GRIK1: variants seen among roughly 807,000 people sequenced by gnomAD.
The protein encoded by GRIK1 is glutamate receptor ionotropic, kainate 1.
GRIK1 carries 69 observed loss-of-function variants against 105.7 expected under a neutral mutation model. That is an observed-to-expected ratio of 0.65 (90% CI 0.54 to 0.80). The LOEUF (loss-of-function observed/expected upper bound fraction) is 0.80. Ranked by LOEUF, GRIK1 falls within the 30% of genes least tolerant of loss-of-function variation. The pLI is 0.00. For synonymous variants in GRIK1, 438 were observed against 431.3 expected, an observed-to-expected ratio of 1.02 and a Z score of -0.19; for missense variants, 1,109 against 1,167.3, an observed-to-expected ratio of 0.95 and a Z score of 0.73.
At chr21:29,617,994 A>C (rs777564375) in intron 7 of GRIK1, among the ~76,000 whole-genome samples, 2 of 152,166 alleles carry the variant, frequency 1.3e-5, no homozygotes, top group African/African-American at 2.4e-5. Flanking sequence ...TTAATCTCTC[A>C]GTTCCAGTTT....
chr21:29,842,607 C>T (rs555099380), intron 1 of GRIK1, among the ~76,000 whole-genome samples: 17 of 152,268 alleles, frequency 1.1e-4, no homozygotes, highest in African/African-American at 3.1e-4. Context: ...TCATGTAGGA[C>T]GGTCAATTCC....
chr21:29,631,038 A>G (rs1284053463), intron 7 of GRIK1, among the ~76,000 whole-genome samples: 3 of 151,910 alleles, frequency 2.0e-5, no homozygotes, highest in Admixed American at 1.3e-4. Context: ...GAACTCCTGA[A>G]CTCAAGTGAT....
At chr21:29,550,658 G>A (rs1185422025) in intron 16 of GRIK1, among the ~76,000 whole-genome samples, 3 of 152,112 alleles carry the variant, frequency 2.0e-5, no homozygotes, top group Non-Finnish European at 4.4e-5. Flanking sequence ...GCTTGTACAA[G>A]AAAAACTGCT....
chr21:29,618,682 A>G (rs1459015623), intron 7 of GRIK1, among the ~76,000 whole-genome samples: 2 of 152,256 alleles, frequency 1.3e-5, no homozygotes, highest in Non-Finnish European at 2.9e-5. Context: ...CTACTCAGCC[A>G]TAAAAAGGAA....
At chr21:29,539,038 A>G (rs2089928250) in intron 16 of GRIK1, among the ~76,000 whole-genome samples, 1 of 151,970 alleles carries the variant, frequency 6.6e-6, no homozygotes, top group African/African-American at 2.4e-5. Context: ...TTTGAATTTC[A>G]CTTCCATTTT....
In GRIK1 at chr21:29,787,789, A is replaced by G. The variant is rs74698212; in HGVS notation, c.119-93726T>C. Among the ~76,000 whole-genome samples, 603 of 152,286 alleles carry G rather than the reference A, an allele frequency of 4.0e-3. 8 individuals are homozygous for G. The highest frequency in any genetic ancestry group is 0.013 in the African/African-American group (561 of 41,576). ...TTTTGGTAGAACGCCAGGAACATTT[A>G]TCAATCTTGCTAGTGACTTCATTTA... On this transcript the variant is annotated intron_variant, in intron 1 of 17. Transcript: ENST00000327783.
chr21:29,698,971 T>C (rs1435064054), intron 1 of GRIK1, among the ~76,000 whole-genome samples: 2 of 152,176 alleles, frequency 1.3e-5, no homozygotes, highest in Non-Finnish European at 2.9e-5. Context: ...GTATTTAGGA[T>C]TTACCTATGA....
In GRIK1 at chr21:29,588,910, G is replaced by A; in HGVS notation, c.1498C>T (p.Pro500Ser). 6.2e-7 allele frequency: 1 copy of A among 1,610,248 alleles called. No individual in the cohort carries two copies. The highest frequency in any genetic ancestry group is 8.5e-7 in the Non-Finnish European group (1 of 1,176,514). Residue 500 changes from proline to serine, a missense_variant, in exon 11 of 18, where the codon CCC becomes TCC. Transcript: ENST00000327783. ...TTCTGGGCCCCATATTTGCCATCGG[G>A]AACTAGTTTAACATCATAAATGAAA... ...LGFIYDVKLV[P>S]DGKYGAQNDK...
chr21:29,798,345 T>A (rs2066612253), intron 1 of GRIK1, among the ~76,000 whole-genome samples: 1 of 152,192 alleles, frequency 6.6e-6, no homozygotes, highest in Non-Finnish European at 1.5e-5. Flanking sequence ...TGGATAAAAT[T>A]TAACTCTACT....
chr21:29,679,992 A>G (rs977144170), intron 3 of GRIK1, among the ~76,000 whole-genome samples: 4 of 152,334 alleles, frequency 2.6e-5, no homozygotes, highest in South Asian at 2.1e-4. Flanking sequence ...GGAGTTTGCC[A>G]TAGGAGGGAA....
At chr21:29,850,552 C>T (rs990640400) in intron 1 of GRIK1, among the ~76,000 whole-genome samples, 3 of 152,024 alleles carry the variant, frequency 2.0e-5, no homozygotes, top group African/African-American at 7.3e-5. Flanking sequence ...AAAACGAATC[C>T]CAGGAATGGA....
At chr21:29,706,648 C>A (rs1249939174) in intron 1 of GRIK1, among the ~76,000 whole-genome samples, 1 of 152,176 alleles carries the variant, frequency 6.6e-6, no homozygotes, top group Non-Finnish European at 1.5e-5. Context: ...ATAAGCTTGA[C>A]TAATACAGAT....
intron 7 of GRIK1, among the ~76,000 whole-genome samples, chr21:29,626,212 G>A (rs114350218): frequency 2.2e-3 from 331 of 152,228 alleles, no homozygotes; most frequent in African/African-American, 7.5e-3. Context: ...AACGTGGAAG[G>A]GCAAAAGAGC....
At chr21:29,570,317 A>T (rs544321265) in intron 14 of GRIK1, among the ~76,000 whole-genome samples, 1 of 152,140 alleles carries the variant, frequency 6.6e-6, no homozygotes, top group Admixed American at 6.5e-5. Flanking sequence ...CCTGTTCAAC[A>T]TGGTGAAACC....
chr21:29,926,624 A>G (rs1388040380), intron 1 of GRIK1, among the ~76,000 whole-genome samples: 1 of 151,778 alleles, frequency 6.6e-6, no homozygotes, highest in Non-Finnish European at 1.5e-5. Flanking sequence ...TTATTTATGT[A>G]TCTTATATAG....
chr21:29,832,792 T>G (rs564332645), intron 1 of GRIK1, among the ~76,000 whole-genome samples: 1 of 152,304 alleles, frequency 6.6e-6, no homozygotes, highest in Admixed American at 6.5e-5. Flanking sequence ...CCATTAACTT[T>G]GACTTCTTTT....
Position 29,654,855 on chromosome 21 carries a change from G to A in GRIK1, c.735C>T (p.Phe245=), listed in dbSNP as rs1326742025. The A allele has an allele frequency of 2.5e-6, 4 of 1,575,610 alleles. No individual in the cohort carries two copies. The highest frequency in any genetic ancestry group is 1.3e-5 in the African/African-American group (1 of 74,298). The stretch of plus-strand genomic sequence containing the variant: ...GATAGTACTCGGTCATCATGCCCAT[G>A]AACAGAATCTGCAAAAGAGAAATAA... ...TAAEILKQIL[F]MGMMTEYYHY... is the part of the protein sequence containing the mutation. Residue 245 remains phenylalanine, a synonymous_variant, in exon 5 of 18, where the codon TTC becomes TTT. Coordinates refer to ENST00000327783, the MANE Select transcript of GRIK1 (RefSeq NM_001330994.2).
At chr21:29,787,784 CATT>C (rs752211444) in intron 1 of GRIK1, among the ~76,000 whole-genome samples, 232 of 152,308 alleles carry the variant, frequency 1.5e-3, no homozygotes, top group Middle Eastern at 3.4e-3. Context: ...ACGCCAGGAA[CATT>C]TATCAATCTT....
chr21:29,746,001 G>A (rs1160126874), intron 1 of GRIK1, among the ~76,000 whole-genome samples: 1 of 152,146 alleles, frequency 6.6e-6, no homozygotes, highest in Non-Finnish European at 1.5e-5. Context: ...CTACTCGGGA[G>A]GCTGAGGCAG....
Sources: gnomAD v4.1 joint callset for allele counts (sites outside exome capture counted in the v4.1 genomes callset) on GRCh38, gnomAD v4.1.1 for gene constraint, MANE v1.5 for transcripts, NCBI Gene and HGNC (gene_info 2026-07-23, HGNC 2026-07-21) for gene names.